The following TBC1D12 variants were observed in gnomAD, a reference collection of about 807,000 sequenced individuals.
TBC1D12 encodes the protein TBC1 domain family member 12.
A neutral mutation model predicts 86.7 loss-of-function variants in TBC1D12; 56 were observed. That is an observed-to-expected ratio of 0.65 (90% confidence interval 0.52 to 0.81). The LOEUF is 0.81. Among genes scored for constraint, TBC1D12 ranks in the 30% least tolerant of loss-of-function variants. TBC1D12 has a pLI of 0.00. For missense variants in TBC1D12, 1,023 were observed against 1,038.8 expected, an observed-to-expected ratio of 0.98 and a Z score of 0.21; for synonymous variants, 421 against 411.7, an observed-to-expected ratio of 1.02 and a Z score of -0.27.
chr10:94,415,999 A>C (rs769689129), intron 1 of TBC1D12, among the ~76,000 whole-genome samples: 1 of 152,180 alleles, frequency 6.6e-6, no homozygotes, highest in Non-Finnish European at 1.5e-5. Context: ...TAAAATAATA[A>C]CTAGCCACTT....
chr10:94,402,812 C>T lies in TBC1D12; in HGVS notation c.199C>T (p.Arg67Trp), dbSNP rs1589592041. The T allele has an allele frequency of 2.6e-6, 4 of 1,541,036 alleles. No homozygotes were observed. Among genetic ancestry groups the T allele is most frequent in the Non-Finnish European group, 2.6e-6 (3 of 1,142,816 alleles). Residue 67 changes from arginine to tryptophan, a missense_variant, in exon 1 of 13, where the codon CGG becomes TGG. By Grantham distance (101) the Arg-to-Trp change is moderately radical. Transcript: ENST00000225235. ...EADEEEETPP[R>W]QLLQRYLAAA... Reference sequence around the variant, plus strand: ...TGACGAGGAGGAGGAGACGCCGCCTCGGCAGCTCCTTCAGCGTTACCTCGC... The same window carrying T: ...TGACGAGGAGGAGGAGACGCCGCCTTGGCAGCTCCTTCAGCGTTACCTCGC...
At chr10:94,457,843 A>G (rs1454013711) in intron 2 of TBC1D12, among the ~76,000 whole-genome samples, 1 of 151,850 alleles carries the variant, frequency 6.6e-6, no homozygotes, top group African/African-American at 2.4e-5. Flanking sequence ...TGCAGTATGT[A>G]TTTATAGCTA....
intron 1 of TBC1D12, among the ~76,000 whole-genome samples, chr10:94,407,453 G>A (rs182906460): frequency 4.9e-4 from 74 of 152,322 alleles, no homozygotes; most frequent in Non-Finnish European, 7.2e-4. Flanking sequence ...AGGCTGAGGC[G>A]GGTGGATCAC....
At chr10:94,512,983 T>C (rs966065918) in intron 9 of TBC1D12, among the ~76,000 whole-genome samples, 25 of 152,000 alleles carry the variant, frequency 1.6e-4, no homozygotes, top group Non-Finnish European at 2.5e-4. Flanking sequence ...GCGTGGTGGC[T>C]CACGCCTGTA....
intron 11 of TBC1D12, among the ~76,000 whole-genome samples, chr10:94,525,638 C>A (rs1842267678): frequency 7.5e-6 from 1 of 132,934 alleles, no homozygotes; most frequent in African/African-American, 2.9e-5. Context: ...CCAGCCTGGG[C>A]TACAGAGCAA....
chr10:94,490,364 G>C (rs2056229953), intron 3 of TBC1D12, among the ~76,000 whole-genome samples: 1 of 152,054 alleles, frequency 6.6e-6, no homozygotes, highest in Admixed American at 6.6e-5. Flanking sequence ...TTGACATTAG[G>C]GTTGCTACAA....
intron 3 of TBC1D12, among the ~76,000 whole-genome samples, chr10:94,486,934 G>T (rs1031360507): frequency 6.6e-6 from 1 of 152,122 alleles, no homozygotes. Context: ...TCGTATTGAG[G>T]TGCATCTTTC....
intron 1 of TBC1D12, among the ~76,000 whole-genome samples, chr10:94,404,838 A>C (rs2054829939): frequency 6.6e-6 from 1 of 150,506 alleles, no homozygotes; most frequent in Non-Finnish European, 1.5e-5. Flanking sequence ...ACCTGAGGTC[A>C]GAGTTCGAGA....
intron 1 of TBC1D12, among the ~76,000 whole-genome samples, chr10:94,414,330 A>ATGAGTT (rs1485265076): frequency 3.3e-5 from 5 of 152,220 alleles, no homozygotes; most frequent in Non-Finnish European, 1.5e-5. Flanking sequence ...CTATTAGAGA[A>ATGAGTT]TGAGTTTGAA....
intron 1 of TBC1D12, among the ~76,000 whole-genome samples, chr10:94,420,214 T>C (rs868574943): frequency 2.0e-5 from 3 of 152,302 alleles, no homozygotes; most frequent in Middle Eastern, 6.8e-3. Flanking sequence ...TCTGCCCTGC[T>C]GCTATATGAG....
chr10:94,530,015 A>G (rs1842384135), intron 11 of TBC1D12, among the ~76,000 whole-genome samples: 1 of 152,138 alleles, frequency 6.6e-6, no homozygotes, highest in African/African-American at 2.4e-5. Context: ...TGAGTTTATT[A>G]TATACAAATC....
At chr10:94,437,711 C>A (rs944549619) in intron 1 of TBC1D12, among the ~76,000 whole-genome samples, 2 of 152,000 alleles carry the variant, frequency 1.3e-5, no homozygotes, top group African/African-American at 4.8e-5. Flanking sequence ...GTTCCTTTTT[C>A]TTCATTCTTT....
At position 94,474,649 on chromosome 10, in the gene TBC1D12, A is replaced by G. The variant is rs780605130; in HGVS notation, c.1096-19A>G. ...TGTTGGAGCAGTTTCTGCATAAGGTATGTTTTAATTTACTCTAGGAATATG... is the reference window on the plus strand; with the variant it reads ...TGTTGGAGCAGTTTCTGCATAAGGTGTGTTTTAATTTACTCTAGGAATATG... On this transcript the variant is annotated intron_variant, in intron 2 of 12. Transcript: ENST00000225235. The G allele has an allele frequency of 7.0e-6, 11 of 1,579,996 alleles. No homozygotes were observed. The highest frequency in any genetic ancestry group is 1.7e-4 in the Middle Eastern group (1 of 6,014).
At chr10:94,503,729 G>C (rs963504032) in intron 6 of TBC1D12, among the ~76,000 whole-genome samples, 3 of 152,148 alleles carry the variant, frequency 2.0e-5, no homozygotes, top group African/African-American at 7.2e-5. Context: ...GGTTCAAGCA[G>C]TTGTCCCTGC....
chr10:94,442,167 T>C (rs939091694), intron 2 of TBC1D12, 148 bp downstream of exon 2: 1 of 804,668 alleles, frequency 1.2e-6, no homozygotes, highest in African/African-American at 1.8e-5. Flanking sequence ...TAAGTATTTA[T>C]AGGGACCTGC....
At chr10:94,508,098 T>C (rs1197111209) in intron 7 of TBC1D12, among the ~76,000 whole-genome samples, 1 of 152,222 alleles carries the variant, frequency 6.6e-6, no homozygotes, top group Non-Finnish European at 1.5e-5. Context: ...TTCCTGGATA[T>C]GTATAATTTG....
intron 9 of TBC1D12, 55 bp from the exon 10 acceptor site, chr10:94,521,895 ATAAAC>A (rs1842162912): frequency 2.0e-5 from 28 of 1,402,218 alleles, no homozygotes; most frequent in Non-Finnish European, 2.6e-5. Context: ...GTACAATAAA[ATAAAC>A]TATATAGATT....
chr10:94,460,824 A>G (rs962605245), intron 2 of TBC1D12, among the ~76,000 whole-genome samples: 2 of 151,768 alleles, frequency 1.3e-5, no homozygotes, highest in Non-Finnish European at 2.9e-5. Flanking sequence ...CTGTTGTCAT[A>G]TCCTCAAGTT....
chr10:94,534,722 C>A lies in TBC1D12; in HGVS notation c.*1626C>A, dbSNP rs749661619. The A allele has an allele frequency of 6.6e-6, 1 of 152,180 alleles. No individual in the cohort carries two copies. Among genetic ancestry groups the A allele is most frequent in the South Asian group, 2.1e-4 (1 of 4,822 alleles). The allele number at this position is 152,180 out of a possible 1,614,324, so 9.4% of individuals were successfully genotyped here. On this transcript the variant is annotated 3_prime_UTR_variant, in exon 13 of 13. Transcript: ENST00000225235. ...GTGGGCCCAACAGTGTCATGACCCT[C>A]CAATTGAAACATAGCATGAATTATT...
Sources: allele counts gnomAD v4.1 joint callset (sites outside exome capture counted in the v4.1 genomes callset), GRCh38; gene constraint gnomAD v4.1.1; transcripts MANE v1.5; gene names NCBI Gene and HGNC (gene_info 2026-07-23, HGNC 2026-07-21).